CDK8: variants seen among roughly 807,000 people sequenced by gnomAD.
The protein encoded by CDK8 is cyclin-dependent kinase 8.
A neutral mutation model predicts 71.5 loss-of-function variants in CDK8; 29 were observed. The observed-to-expected ratio is 0.41, with a 90% CI of 0.30 to 0.55. The LOEUF (loss-of-function observed/expected upper bound fraction) is 0.55. Among genes scored for constraint, CDK8 ranks in the 20% least tolerant of loss-of-function variants. The pLI is 0.37. For synonymous variants in CDK8, 161 were observed against 192.1 expected (o/e 0.84, Z 1.34); for missense variants, 288 against 572.6 (o/e 0.50, Z 5.07).
At chr13:26,283,633 C>T (rs1872866239) in intron 1 of CDK8, among the ~76,000 whole-genome samples, 1 of 151,710 alleles carries the variant, frequency 6.6e-6, no homozygotes, top group African/African-American at 2.4e-5. Flanking sequence ...GGCACAGTGG[C>T]TTATGCCTAT....
At chr13:26,282,592 A>G (rs1259593579) in intron 1 of CDK8, among the ~76,000 whole-genome samples, 1 of 152,224 alleles carries the variant, frequency 6.6e-6, no homozygotes, top group Non-Finnish European at 1.5e-5. Context: ...AAAACCTTGA[A>G]ATACACCAAA....
intron 1 of CDK8, among the ~76,000 whole-genome samples, chr13:26,286,981 A>G (rs1873053459): frequency 6.6e-6 from 1 of 152,240 alleles, no homozygotes; most frequent in Admixed American, 6.5e-5. Context: ...GAATGGCCGT[A>G]ATTTAAAAAA....
intron 6 of CDK8, among the ~76,000 whole-genome samples, chr13:26,385,620 C>T (rs1274895797): frequency 6.6e-6 from 1 of 152,034 alleles, no homozygotes; most frequent in Admixed American, 6.6e-5. Context: ...ACCTGTAGTC[C>T]CAGCTACTCG....
intron 4 of CDK8, chr13:26,359,820 ATTCT>A: frequency 6.7e-6 from 2 of 297,616 alleles, no homozygotes; most frequent in Non-Finnish European, 1.4e-5. Context: ...GGTTCAAGTG[ATTCT>A]CCTGCCTTAG....
At chr13:26,369,303 C>T (rs369916618) in intron 4 of CDK8, among the ~76,000 whole-genome samples, 9 of 150,732 alleles carry the variant, frequency 6.0e-5, no homozygotes, top group Admixed American at 4.0e-4. Context: ...TGCAGAAATT[C>T]GCCAGGTGTG....
At chr13:26,354,705 G>A (rs1048898553) in intron 4 of CDK8, among the ~76,000 whole-genome samples, 1 of 152,184 alleles carries the variant, frequency 6.6e-6, no homozygotes, top group African/African-American at 2.4e-5. Flanking sequence ...CTTATGATCT[G>A]AGGTGGTACA....
chr13:26,307,847 A>G (rs974627709), intron 1 of CDK8, among the ~76,000 whole-genome samples: 6 of 152,242 alleles, frequency 3.9e-5, no homozygotes, highest in African/African-American at 7.2e-5. Context: ...AACTTAAAAA[A>G]AAGTGTTAGC....
chr13:26,277,915 T>C (rs1872614199), intron 1 of CDK8, among the ~76,000 whole-genome samples: 1 of 152,170 alleles, frequency 6.6e-6, no homozygotes, highest in African/African-American at 2.4e-5. Flanking sequence ...GTTCAAATAT[T>C]TGCTTTACTG....
chr13:26,261,760 A>G (rs1871781372), intron 1 of CDK8, among the ~76,000 whole-genome samples: 1 of 152,166 alleles, frequency 6.6e-6, no homozygotes, highest in African/African-American at 2.4e-5. Context: ...TAATGCTTCG[A>G]TAAGCAATTA....
At chr13:26,288,595 C>A (rs1035958835) in intron 1 of CDK8, among the ~76,000 whole-genome samples, 1 of 151,626 alleles carries the variant, frequency 6.6e-6, no homozygotes. Context: ...CCCCACCCCC[C>A]ACAAACACAC....
Position 26,254,603 on chromosome 13 carries a change from G to C in CDK8, c.-39G>C, listed in dbSNP as rs187998245. The C allele has an allele frequency of 8.9e-5, 130 of 1,453,134 alleles. No individual in the cohort carries two copies. Among genetic ancestry groups the C allele is most frequent in the Non-Finnish European group, 1.1e-4 (122 of 1,066,076 alleles). 90.0% of individuals were successfully genotyped at this position (1,453,134 alleles called of 1,614,324 possible). On this transcript the variant is annotated 5_prime_UTR_variant, in exon 1 of 13. Transcript: ENST00000381527. The surrounding 1 kb of genome is among the most constrained non-coding windows in gnomAD (Gnocchi z 6.7). ...CCCCGGTCCCCACCCCTGCCCCCCG[G>C]CCCCCCGACCCAGCTCTCCGGCCTC...
At chr13:26,378,562 T>C (rs1333967946) in intron 4 of CDK8, among the ~76,000 whole-genome samples, 2 of 152,254 alleles carry the variant, frequency 1.3e-5, no homozygotes, top group Non-Finnish European at 2.9e-5. Flanking sequence ...TCTATCATTA[T>C]TTCTGTGCAT....
In CDK8 at chr13:26,254,609, C is replaced by A. The variant is rs369200552; in HGVS notation, c.-33C>A. On this transcript the variant is annotated 5_prime_UTR_variant, in exon 1 of 13. Transcript: ENST00000381527. This position sits in a 1 kb window ranked among gnomAD's most constrained non-coding sequence, Gnocchi z 6.7. ...TCCCCACCCCTGCCCCCCGGCCCCC[C>A]GACCCAGCTCTCCGGCCTCAGAGGC... 3.2e-6 allele frequency: 5 copies of A among 1,546,404 alleles called. No individual in the cohort carries two copies. The highest frequency in any genetic ancestry group is 2.3e-5 in the East Asian group (1 of 42,740).
intron 1 of CDK8, among the ~76,000 whole-genome samples, chr13:26,327,918 A>G (rs1469554141): frequency 6.6e-6 from 1 of 151,848 alleles, no homozygotes; most frequent in Non-Finnish European, 1.5e-5. Context: ...ATTAAAAATG[A>G]TTTAAAATAT....
At chr13:26,333,315 T>C (rs1872841756) in intron 1 of CDK8, among the ~76,000 whole-genome samples, 1 of 152,044 alleles carries the variant, frequency 6.6e-6, no homozygotes, top group Non-Finnish European at 1.5e-5. Flanking sequence ...AAGTTTCGTA[T>C]TTTTAGTACA....
At chr13:26,305,326 A>G (rs528070036) in intron 1 of CDK8, among the ~76,000 whole-genome samples, 5 of 152,182 alleles carry the variant, frequency 3.3e-5, no homozygotes, top group Admixed American at 2.0e-4. Context: ...TCAACTGTCA[A>G]TCAGTTGAAA....
intron 1 of CDK8, among the ~76,000 whole-genome samples, chr13:26,335,367 A>G (rs992738934): frequency 3.3e-5 from 5 of 152,140 alleles, no homozygotes; most frequent in Admixed American, 2.6e-4. Context: ...ACTATTTGCT[A>G]TTCTGCCCTT....
chr13:26,338,982 G>GA (rs60219211), intron 2 of CDK8, among the ~76,000 whole-genome samples: 143,780 of 151,996 alleles, frequency 0.95, 68,046 homozygotes, highest in East Asian at 1. Flanking sequence ...TTTTTTATTA[G>GA]AAAAAAACTC....
intron 1 of CDK8, among the ~76,000 whole-genome samples, chr13:26,259,194 T>A (rs886710001): frequency 6.6e-6 from 1 of 152,192 alleles, no homozygotes; most frequent in Non-Finnish European, 1.5e-5. Context: ...TAAAGAGTAT[T>A]CCTTATAACC....
Sources: gnomAD v4.1 joint callset for allele counts (sites outside exome capture counted in the v4.1 genomes callset) on GRCh38, gnomAD v4.1.1 for gene constraint, Gnocchi (gnomAD v3.1) non-coding constraint, MANE v1.5 for transcripts, NCBI Gene and HGNC (gene_info 2026-07-23, HGNC 2026-07-21) for gene names.